The following UVRAG variants were observed in gnomAD, a reference collection of about 807,000 sequenced individuals.
UVRAG encodes the protein UV radiation resistance-associated gene protein.
UVRAG carries 19 observed loss-of-function variants against 78.0 expected under a neutral mutation model. The ratio of observed to expected loss-of-function variants is 0.24; its 90% CI spans 0.17 to 0.36. UVRAG has a LOEUF of 0.36. Ranked by LOEUF, UVRAG falls within the 10% of genes least tolerant of loss-of-function variation. The pLI, the probability that UVRAG is intolerant of heterozygous loss-of-function variation, is 1.00. For missense variants in UVRAG, 740 were observed against 853.8 expected (o/e 0.87, Z 1.66); for synonymous variants, 323 against 324.6 (o/e 1.00, Z 0.05).
intron 3 of UVRAG, among the ~76,000 whole-genome samples, chr11:75,878,967 T>G (rs1428896081): frequency 6.6e-6 from 1 of 151,848 alleles, no homozygotes; most frequent in East Asian, 1.9e-4. Flanking sequence ...GTAGGGGAAA[T>G]AAGCAAAAGT....
At chr11:75,987,529 C>G (rs987554448) in intron 8 of UVRAG, among the ~76,000 whole-genome samples, 2 of 151,862 alleles carry the variant, frequency 1.3e-5, no homozygotes, top group African/African-American at 4.8e-5. Context: ...TTTTTCTTAC[C>G]TGATTGTGTT....
intron 5 of UVRAG, among the ~76,000 whole-genome samples, chr11:75,908,478 G>A (rs1205958373): frequency 6.6e-6 from 1 of 151,960 alleles, no homozygotes; most frequent in Non-Finnish European, 1.5e-5. Context: ...CTTTTAATAT[G>A]CCACTAGATC....
At chr11:75,869,900 A>G (rs954917461) in intron 3 of UVRAG, among the ~76,000 whole-genome samples, 1 of 152,104 alleles carries the variant, frequency 6.6e-6, no homozygotes, top group Admixed American at 6.5e-5. Flanking sequence ...CAACAGTAAT[A>G]AATAATGGTT....
At chr11:76,097,417 C>A (rs558380501) in intron 13 of UVRAG, among the ~76,000 whole-genome samples, 1 of 152,276 alleles carries the variant, frequency 6.6e-6, no homozygotes, top group South Asian at 2.1e-4. Context: ...GCCTCCCTGC[C>A]CTTTCACTCA....
chr11:76,040,890 A>G (rs1168038421), intron 12 of UVRAG, among the ~76,000 whole-genome samples: 2 of 152,106 alleles, frequency 1.3e-5, no homozygotes, highest in African/African-American at 4.8e-5. Context: ...TGTTAAGTGG[A>G]AATAGAAAAC....
chr11:76,066,060 C>T (rs561918420), intron 13 of UVRAG, among the ~76,000 whole-genome samples: 1 of 152,244 alleles, frequency 6.6e-6, no homozygotes, highest in South Asian at 2.1e-4. Context: ...GACTATACTT[C>T]GATGTGTGGG....
At chr11:75,878,766 C>T (rs1946869936) in intron 3 of UVRAG, among the ~76,000 whole-genome samples, 1 of 152,016 alleles carries the variant, frequency 6.6e-6, no homozygotes, top group South Asian at 2.1e-4. Flanking sequence ...CAGGCTGAGG[C>T]AGGAGAATCA....
chr11:76,121,560 C>G (rs1303516024), intron 14 of UVRAG, among the ~76,000 whole-genome samples: 2 of 152,206 alleles, frequency 1.3e-5, no homozygotes, highest in Non-Finnish European at 2.9e-5. Context: ...TGTAAGACAA[C>G]AAGTTTAGAA....
At chr11:76,043,453 C>T (rs1950689172) in intron 12 of UVRAG, among the ~76,000 whole-genome samples, 1 of 152,084 alleles carries the variant, frequency 6.6e-6, no homozygotes, top group Non-Finnish European at 1.5e-5. Flanking sequence ...TTTGAAATCA[C>T]TAGGTTTTTG....
At chr11:76,106,340 T>TCAAAG (rs1255269744) in intron 13 of UVRAG, among the ~76,000 whole-genome samples, 4 of 152,098 alleles carry the variant, frequency 2.6e-5, no homozygotes, top group African/African-American at 9.7e-5. Flanking sequence ...CAAGATTGCA[T>TCAAAG]CAAAGTCAAT....
At chr11:75,958,745 T>C (rs1356770980) in intron 6 of UVRAG, among the ~76,000 whole-genome samples, 1 of 152,232 alleles carries the variant, frequency 6.6e-6, no homozygotes, top group African/African-American at 2.4e-5. Context: ...ATGTTTTCCA[T>C]TGATTTTGCC....
chr11:75,901,552 A>T (rs1312510796), intron 5 of UVRAG, among the ~76,000 whole-genome samples: 1 of 152,156 alleles, frequency 6.6e-6, no homozygotes, highest in Non-Finnish European at 1.5e-5. Context: ...TGTGTTTCTT[A>T]GTGAAGTGAA....
intron 13 of UVRAG, among the ~76,000 whole-genome samples, chr11:76,075,204 C>G (rs1460493575): frequency 1.3e-5 from 2 of 152,148 alleles, no homozygotes; most frequent in Non-Finnish European, 2.9e-5. Context: ...TCCCCAACTA[C>G]TGCATACAAA....
intron 8 of UVRAG, 75 bp downstream of exon 8, chr11:75,983,588 AAT>A: frequency 6.8e-7 from 1 of 1,468,486 alleles, no homozygotes; most frequent in East Asian, 2.4e-5. Context: ...CACAAGCTCA[AAT>A]AGTCATTTTT....
rs74851745 is a variant in UVRAG, at chr11:76,015,210, A to C, written c.1061-1605A>C. 1.1e-3 allele frequency among the ~76,000 whole-genome samples: 168 copies of C among 152,300 alleles called. 2 individuals carry two copies. The East Asian group carries it at 0.031, about 28-fold the overall frequency. ...TACATTCGAGGCTCCCAAGTTAAAA[A>C]ATTGTTATATGCTGGGCACAGTGGC... On this transcript the variant is annotated intron_variant, in intron 11 of 14. Coordinates refer to ENST00000356136, the MANE Select transcript of UVRAG (RefSeq NM_003369.4).
At chr11:76,077,630 A>G (rs1488391619) in intron 13 of UVRAG, among the ~76,000 whole-genome samples, 2 of 152,154 alleles carry the variant, frequency 1.3e-5, no homozygotes, top group African/African-American at 4.8e-5. Context: ...TGTTGGTATT[A>G]TTATCTTCAT....
At chr11:76,111,012 C>G (rs1952058514) in intron 13 of UVRAG, among the ~76,000 whole-genome samples, 1 of 151,992 alleles carries the variant, frequency 6.6e-6, no homozygotes, top group South Asian at 2.1e-4. Flanking sequence ...CACCACCACA[C>G]CTGGCTAATT....
chr11:75,885,482 T>G (rs2134912102), intron 4 of UVRAG, among the ~76,000 whole-genome samples: 1 of 152,248 alleles, frequency 6.6e-6, no homozygotes, highest in East Asian at 1.9e-4. Flanking sequence ...TCAGAAAGAT[T>G]CAGTGATTTG....
intron 14 of UVRAG, among the ~76,000 whole-genome samples, chr11:76,116,887 T>C (rs1028901775): frequency 2.6e-5 from 4 of 152,202 alleles, no homozygotes; most frequent in Admixed American, 2.6e-4. Context: ...GGTTGGTCTT[T>C]ACTTTGATTT....
Sources: gnomAD v4.1 joint callset for allele counts (sites outside exome capture counted in the v4.1 genomes callset) on GRCh38, gnomAD v4.1.1 for gene constraint, MANE v1.5 for transcripts, NCBI Gene and HGNC (gene_info 2026-07-23, HGNC 2026-07-21) for gene names.